The following ARHGAP15 variants were observed in gnomAD, a reference collection of about 807,000 sequenced individuals.
ARHGAP15 encodes Rho GTPase activating protein 15, also known as rho GTPase-activating protein 15.
Under a neutral mutation model 63.7 loss-of-function variants are expected in ARHGAP15, and 51 were observed. That is an observed-to-expected ratio of 0.80 (90% CI 0.64 to 1.01). The LOEUF is 1.01. ARHGAP15 is among the 50% of genes least tolerant of loss of function. ARHGAP15 has a pLI of 0.00. For synonymous variants in ARHGAP15, 191 were observed against 193.8 expected (o/e 0.99, Z 0.12); for missense variants, 560 against 564.6 (o/e 0.99, Z 0.08).
At chr2:143,272,459 C>T (rs1176232976) in intron 6 of ARHGAP15, among the ~76,000 whole-genome samples, 1 of 151,910 alleles carries the variant, frequency 6.6e-6, no homozygotes, top group Non-Finnish European at 1.5e-5. Context: ...GTTGAAACCC[C>T]ATCTCTACTA....
At chr2:143,229,430 C>A (rs1344248017) in intron 5 of ARHGAP15, among the ~76,000 whole-genome samples, 4 of 152,076 alleles carry the variant, frequency 2.6e-5, no homozygotes, top group African/African-American at 4.8e-5. Flanking sequence ...TCACATATAC[C>A]TACAAAGATT....
At chr2:143,255,995 G>A (rs1028870373) in intron 6 of ARHGAP15, among the ~76,000 whole-genome samples, 18 of 152,050 alleles carry the variant, frequency 1.2e-4, no homozygotes, top group Non-Finnish European at 4.4e-5. Context: ...CATGGGTCTG[G>A]GGATGTGTGT....
chr2:143,242,626 T>C (rs1488008483), intron 5 of ARHGAP15, among the ~76,000 whole-genome samples: 1 of 152,180 alleles, frequency 6.6e-6, no homozygotes, highest in Non-Finnish European at 1.5e-5. Context: ...GTGGTTTGAT[T>C]TGGTCATGTA....
intron 6 of ARHGAP15, among the ~76,000 whole-genome samples, chr2:143,387,849 A>G (rs929147281): frequency 1.3e-5 from 2 of 151,540 alleles, no homozygotes; most frequent in African/African-American, 4.8e-5. Flanking sequence ...AAGCACACAC[A>G]CACGCATGGA....
At chr2:143,630,448 C>G (rs1699017429) in intron 12 of ARHGAP15, among the ~76,000 whole-genome samples, 2 of 152,006 alleles carry the variant, frequency 1.3e-5, no homozygotes, top group African/African-American at 4.8e-5. Context: ...GGATGAAAAG[C>G]AATGGATTGG....
chr2:143,216,297 G>A lies in ARHGAP15; in HGVS notation c.235-87G>A, dbSNP rs2304726. ...TCTATGACTGAAAACTTCCGTCACT[G>A]CAATGACTCTTGAAAAGCATAGGTT... On this transcript the variant is annotated intron_variant, in intron 3 of 13. Transcript: ENST00000295095. The A allele has an allele frequency of 1.1e-4, 116 of 1,026,800 alleles. No individual in the cohort carries two copies. In the East Asian group the frequency reaches 2.8e-3, roughly 25 times the overall value. 63.6% of individuals were successfully genotyped at this position (1,026,800 alleles called of 1,614,324 possible).
At chr2:143,265,122 A>G (rs1377643443) in intron 6 of ARHGAP15, among the ~76,000 whole-genome samples, 1 of 152,194 alleles carries the variant, frequency 6.6e-6, no homozygotes, top group African/African-American at 2.4e-5. Flanking sequence ...TTACAAGGGA[A>G]AAAAATGTCA....
intron 6 of ARHGAP15, among the ~76,000 whole-genome samples, chr2:143,272,552 C>G (rs1341113063): frequency 3.9e-5 from 6 of 152,130 alleles, no homozygotes; most frequent in Non-Finnish European, 8.8e-5. Flanking sequence ...ATTCGGGAGG[C>G]TGAGGCAGGA....
intron 6 of ARHGAP15, among the ~76,000 whole-genome samples, chr2:143,410,885 C>CGTTTTTTATTTT: frequency 6.7e-6 from 1 of 148,230 alleles, no homozygotes; most frequent in Non-Finnish European, 1.5e-5. Context: ...ATGATAGCTT[C>CGTTTTTTATTTT]AATCAGAGTA....
At chr2:143,196,346 G>T (rs944959876) in intron 2 of ARHGAP15, among the ~76,000 whole-genome samples, 1 of 151,948 alleles carries the variant, frequency 6.6e-6, no homozygotes, top group African/African-American at 2.4e-5. Flanking sequence ...ATTCCTATTT[G>T]CAGGACGTGA....
intron 6 of ARHGAP15, among the ~76,000 whole-genome samples, chr2:143,403,219 C>A (rs962324862): frequency 1.3e-5 from 2 of 150,832 alleles, no homozygotes; most frequent in Non-Finnish European, 3.0e-5. Context: ...TTCTTTTTAG[C>A]CTTGAAACCA....
intron 5 of ARHGAP15, among the ~76,000 whole-genome samples, chr2:143,233,032 G>A (rs765088497): frequency 3.9e-5 from 6 of 152,232 alleles, no homozygotes; most frequent in Middle Eastern, 6.8e-3. Context: ...CTTCTACTAA[G>A]ATGTTACCTT....
At chr2:143,322,767 G>A (rs557163438) in intron 6 of ARHGAP15, among the ~76,000 whole-genome samples, 1 of 152,214 alleles carries the variant, frequency 6.6e-6, no homozygotes, top group African/African-American at 2.4e-5. Context: ...GCTTCGATGT[G>A]GTACTGGATT....
intron 6 of ARHGAP15, among the ~76,000 whole-genome samples, chr2:143,285,499 T>C (rs1682048036): frequency 6.6e-6 from 1 of 152,162 alleles, no homozygotes; most frequent in African/African-American, 2.4e-5. Context: ...AACTGTCTGA[T>C]TAGAAATATC....
rs143266655 is a variant in ARHGAP15 at position 143,323,562 on chromosome 2, T to C, written c.474+72962T>C. Among the ~76,000 whole-genome samples the C allele has an allele frequency of 3.1e-3, 470 of 152,250 alleles. 4 individuals carry two copies. The highest frequency in any genetic ancestry group is 0.011 in the African/African-American group (452 of 41,552). On this transcript the variant is annotated intron_variant, in intron 6 of 13. Transcript: ENST00000295095. ...TGAAAAATCAGTCTTACCTCAAAAATGATTCAGTGGCCCATTCTGTTTTAT... is the reference window on the plus strand; with the variant it reads ...TGAAAAATCAGTCTTACCTCAAAAACGATTCAGTGGCCCATTCTGTTTTAT...
chr2:143,450,520 C>A (rs1270292867), intron 8 of ARHGAP15, among the ~76,000 whole-genome samples: 1 of 151,914 alleles, frequency 6.6e-6, no homozygotes, highest in African/African-American at 2.4e-5. Context: ...AAAAAATTCT[C>A]TGACTCAAAA....
At chr2:143,155,365 ACT>A (rs1690035606) in intron 1 of ARHGAP15, 110 bp from the exon 2 acceptor site, 2 of 1,015,486 alleles carry the variant, frequency 2.0e-6, no homozygotes, top group Non-Finnish European at 2.8e-6. Flanking sequence ...AGAGGTGAAG[ACT>A]CTTGTTTATC....
At chr2:143,673,784 A>ATGTATATATATATGTAT (rs71404481) in intron 12 of ARHGAP15, among the ~76,000 whole-genome samples, 3 of 114,210 alleles carry the variant, frequency 2.6e-5, no homozygotes, top group African/African-American at 8.6e-5. Context: ...ATATATATAT[A>ATGTATATATATATGTAT]AACAACTCCT....
At position 143,667,388 on chromosome 2, in the gene ARHGAP15, G is replaced by T. The variant is rs1682264011; in HGVS notation, c.1139-36031G>T. ...TGAACAATGAGATCACATGGACACA[G>T]GAAGGGGAATATCACACTCTGGGGA... On this transcript the variant is annotated intron_variant, in intron 12 of 13. Transcript: ENST00000295095. 5.4e-5 allele frequency among the ~76,000 whole-genome samples: 7 copies of T among 130,722 alleles called. No individual in the cohort carries two copies. The Admixed American group carries it at 5.6e-4, about 10-fold the overall frequency. The allele number at this position is 130,722 out of a possible 152,430, so 85.8% of individuals were successfully genotyped here.
Sources: allele counts gnomAD v4.1 joint callset (sites outside exome capture counted in the v4.1 genomes callset), GRCh38; gene constraint gnomAD v4.1.1; transcripts MANE v1.5; gene names NCBI Gene and HGNC (gene_info 2026-07-23, HGNC 2026-07-21).